The following NXN variants were observed in gnomAD, a reference collection of about 807,000 sequenced individuals.
The protein encoded by NXN is nucleoredoxin.
A neutral mutation model predicts 48.6 loss-of-function variants in NXN; 16 were observed. The ratio of observed to expected loss-of-function variants is 0.33; its 90% CI spans 0.22 to 0.50. The LOEUF (loss-of-function observed/expected upper bound fraction) is 0.50. Ranked by LOEUF, NXN falls within the 20% of genes least tolerant of loss-of-function variation. NXN has a pLI of 0.98. For synonymous variants in NXN, 281 were observed against 269.6 expected (o/e 1.04, Z -0.41); for missense variants, 492 against 605.5 (o/e 0.81, Z 1.97).
At chr17:926,348 G>A (rs995601106) in intron 1 of NXN, among the ~76,000 whole-genome samples, 7 of 151,936 alleles carry the variant, frequency 4.6e-5, no homozygotes, top group East Asian at 1.9e-4. Flanking sequence ...CACTACACCC[G>A]GCTAATTTTT....
intron 1 of NXN, among the ~76,000 whole-genome samples, chr17:834,344 T>C (rs113860082): frequency 0.029 from 4,477 of 152,250 alleles, 80 homozygotes; most frequent in Non-Finnish European, 0.046. Context: ...CTGTCTGGCA[T>C]TGCAGCAGCT....
In NXN at chr17:956,045, C is replaced by T. The variant is rs2069165791; in HGVS notation, c.360+23274G>A. On this transcript the variant is annotated intron_variant, in intron 1 of 7. Transcript: ENST00000336868. This position sits in a 1 kb window ranked among gnomAD's most constrained non-coding sequence, Gnocchi z 4.1. ...TCAAAGAAGACTGTGGCCACATAAT[C>T]CCCCTGTCCTTTCCAGGGTATCATT... Among the ~76,000 whole-genome samples the T allele has an allele frequency of 6.6e-6, 1 of 152,152 alleles. No individual in the cohort carries two copies. Among genetic ancestry groups the T allele is most frequent in the Non-Finnish European group, 1.5e-5 (1 of 68,024 alleles).
intron 1 of NXN, among the ~76,000 whole-genome samples, chr17:884,543 G>A (rs959605718): frequency 8.5e-5 from 13 of 152,330 alleles, no homozygotes; most frequent in African/African-American, 1.2e-4. Context: ...CCAGGGGAAG[G>A]ACAACACTCT....
intron 1 of NXN, among the ~76,000 whole-genome samples, chr17:843,677 G>A (rs965673086): frequency 1.3e-5 from 2 of 152,168 alleles, no homozygotes; most frequent in African/African-American, 2.4e-5. Context: ...CTTCTAGTGG[G>A]GGATAGGGTT....
intron 1 of NXN, among the ~76,000 whole-genome samples, chr17:957,826 G>A (rs1337737830): frequency 3.3e-5 from 5 of 151,998 alleles, no homozygotes; most frequent in Admixed American, 1.3e-4. Flanking sequence ...GCCCAGACCC[G>A]AGAGAGGCAG....
intron 1 of NXN, among the ~76,000 whole-genome samples, chr17:901,817 A>AG (rs2068540622): frequency 6.6e-6 from 1 of 152,124 alleles, no homozygotes; most frequent in Non-Finnish European, 1.5e-5. Context: ...CTCCTGCCTC[A>AG]GCCTCCTGAG....
At chr17:931,900 T>A (rs894390283) in intron 1 of NXN, among the ~76,000 whole-genome samples, 1 of 148,044 alleles carries the variant, frequency 6.8e-6, no homozygotes, top group Non-Finnish European at 1.5e-5. Flanking sequence ...TCCCAGCACT[T>A]TGGGAGGCCG....
At chr17:814,059 AAGACCAGGC>A (rs1479696728) in intron 5 of NXN, among the ~76,000 whole-genome samples, 1 of 152,136 alleles carries the variant, frequency 6.6e-6, no homozygotes, top group East Asian at 1.9e-4. Context: ...TCAGGAGCTC[AAGACCAGGC>A]TGGCCAACAT....
chr17:916,929 T>C (rs2068693995), intron 1 of NXN, among the ~76,000 whole-genome samples: 1 of 152,154 alleles, frequency 6.6e-6, no homozygotes, highest in Non-Finnish European at 1.5e-5. Context: ...AACAGGCCTC[T>C]AGGTTAGTTA....
At chr17:934,400 A>C (rs978942898) in intron 1 of NXN, among the ~76,000 whole-genome samples, 13 of 150,356 alleles carry the variant, frequency 8.6e-5, no homozygotes, top group African/African-American at 2.4e-4. Flanking sequence ...GAGCCGAGAT[A>C]GCACCACTGC....
intron 1 of NXN, among the ~76,000 whole-genome samples, chr17:826,951 A>G (rs7216790): frequency 0.68 from 104,175 of 152,200 alleles, 36,698 homozygotes; most frequent in African/African-American, 0.85. Flanking sequence ...TCTGTTCGCC[A>G]TCGGGGTGAA....
At chr17:811,114 G>A (rs1312467819) in intron 5 of NXN, among the ~76,000 whole-genome samples, 3 of 152,156 alleles carry the variant, frequency 2.0e-5, no homozygotes, top group East Asian at 3.8e-4. Context: ...AGAAGGAGGC[G>A]GAGAAGGCAG....
intron 1 of NXN, among the ~76,000 whole-genome samples, chr17:880,721 G>A (rs1315180884): frequency 2.0e-5 from 3 of 152,136 alleles, no homozygotes; most frequent in African/African-American, 7.2e-5. Flanking sequence ...CAGAGGGGCT[G>A]GCCTTCTCCT....
At chr17:883,430 G>A (rs2068307121) in intron 1 of NXN, among the ~76,000 whole-genome samples, 1 of 151,978 alleles carries the variant, frequency 6.6e-6, no homozygotes. Context: ...AGTTGAACCA[G>A]CACAGGCCTC....
At chr17:904,217 C>T (rs564216693) in intron 1 of NXN, among the ~76,000 whole-genome samples, 5 of 152,288 alleles carry the variant, frequency 3.3e-5, no homozygotes, top group South Asian at 4.1e-4. Flanking sequence ...AAGGGCTGGC[C>T]GAGCGGACTT....
intron 1 of NXN, among the ~76,000 whole-genome samples, chr17:866,932 CAGT>C (rs1225336159): frequency 6.6e-6 from 1 of 152,212 alleles, no homozygotes; most frequent in Admixed American, 6.5e-5. Flanking sequence ...TGAGTGGAAA[CAGT>C]TCCCAGGAAA....
At chr17:945,168 G>A (rs535148568) in intron 1 of NXN, among the ~76,000 whole-genome samples, 10 of 151,974 alleles carry the variant, frequency 6.6e-5, no homozygotes, top group African/African-American at 1.4e-4. Context: ...TGTAACCTCC[G>A]CCTCCCGGGT....
intron 1 of NXN, among the ~76,000 whole-genome samples, chr17:846,115 G>A (rs2144731057): frequency 6.6e-6 from 1 of 152,084 alleles, no homozygotes; most frequent in Admixed American, 6.5e-5. Flanking sequence ...AAAATTAGGT[G>A]TTAGGAATAA....
chr17:926,890 G>C (rs184383786), intron 1 of NXN, among the ~76,000 whole-genome samples: 1 of 152,264 alleles, frequency 6.6e-6, no homozygotes, highest in Admixed American at 6.5e-5. Context: ...GGTAATGAAA[G>C]AGTCTGGGGA....
Sources: gnomAD v4.1 joint callset for allele counts (sites outside exome capture counted in the v4.1 genomes callset) on GRCh38, gnomAD v4.1.1 for gene constraint, Gnocchi (gnomAD v3.1) non-coding constraint, MANE v1.5 for transcripts, NCBI Gene and HGNC (gene_info 2026-07-23, HGNC 2026-07-21) for gene names.